M1AP: variants seen among roughly 807,000 people sequenced by gnomAD.
M1AP encodes meiosis 1 associated protein.
Under a neutral mutation model 51.2 loss-of-function variants are expected in M1AP, and 39 were observed. The observed-to-expected ratio is 0.76, with a 90% CI of 0.59 to 1.00. The LOEUF (loss-of-function observed/expected upper bound fraction) is 1.00. Ranked by LOEUF, M1AP falls within the 50% of genes least tolerant of loss-of-function variation. The pLI is 0.00. For missense variants in M1AP, 545 were observed against 641.2 expected, an observed-to-expected ratio of 0.85 and a Z score of 1.62; for synonymous variants, 251 against 249.2, an observed-to-expected ratio of 1.01 and a Z score of -0.07.
At chr2:74,591,937 C>T (rs1338175387) in intron 4 of M1AP, among the ~76,000 whole-genome samples, 2 of 152,014 alleles carry the variant, frequency 1.3e-5, no homozygotes, top group African/African-American at 4.8e-5. Flanking sequence ...AGGCGCCCAC[C>T]ACCACGCCTG....
intron 4 of M1AP, among the ~76,000 whole-genome samples, chr2:74,591,720 T>C (rs1680047838): frequency 6.6e-6 from 1 of 152,134 alleles, no homozygotes; most frequent in Admixed American, 6.5e-5. Context: ...AAAGACTTAC[T>C]TGGGGGAGCT....
intron 4 of M1AP, among the ~76,000 whole-genome samples, chr2:74,591,694 G>C (rs1439471590): frequency 6.6e-6 from 1 of 152,218 alleles, no homozygotes; most frequent in African/African-American, 2.4e-5. Context: ...ATAAATGTAA[G>C]TGGAGCCATG....
intron 2 of M1AP, among the ~76,000 whole-genome samples, chr2:74,635,297 C>T (rs1274451529): frequency 1.3e-5 from 2 of 151,988 alleles, no homozygotes; most frequent in Non-Finnish European, 1.5e-5. Context: ...CTCTTATTAT[C>T]CTTTGGAATA....
At chr2:74,627,824 T>C (rs1682487891) in intron 2 of M1AP, among the ~76,000 whole-genome samples, 1 of 152,200 alleles carries the variant, frequency 6.6e-6, no homozygotes, top group African/African-American at 2.4e-5. Context: ...ATGAAGTGCA[T>C]ATTAAAATCT....
At chr2:74,583,298 C>T (rs138089022) in intron 4 of M1AP, among the ~76,000 whole-genome samples, 2 of 151,994 alleles carry the variant, frequency 1.3e-5, no homozygotes, top group Non-Finnish European at 2.9e-5. Context: ...AGTAGAGAAC[C>T]AAGCCTGGAG....
At chr2:74,620,632 C>A in intron 2 of M1AP, 1 of 208,878 alleles carries the variant, frequency 4.8e-6, no homozygotes, top group East Asian at 1.1e-4. Context: ...GCAGTTTGCC[C>A]AGACCAGTCC....
chr2:74,575,408 T>C (rs749723707), intron 7 of M1AP, 30 bp downstream of exon 7: 20 of 1,612,962 alleles, frequency 1.2e-5, no homozygotes, highest in Non-Finnish European at 1.7e-5. Flanking sequence ...AAACGATTCT[T>C]CTTTTTCACC....
At chr2:74,571,251 T>C (rs1678721644) in intron 7 of M1AP, among the ~76,000 whole-genome samples, 1 of 152,080 alleles carries the variant, frequency 6.6e-6, no homozygotes, top group South Asian at 2.1e-4. Flanking sequence ...GGAAAATTGA[T>C]ATGACTTAGT....
chr2:74,645,752 C>T (rs1328776904), intron 1 of M1AP, among the ~76,000 whole-genome samples: 1 of 152,178 alleles, frequency 6.6e-6, no homozygotes, highest in Non-Finnish European at 1.5e-5. Context: ...TATGGGGTAG[C>T]CCTGCTCCAC....
Position 74,572,035 on chromosome 2 carries a change from C to T in M1AP, c.1074+3403G>A, listed in dbSNP as rs536273645. The stretch of plus-strand genomic sequence containing the variant: ...AAAAAGAAAGAAAACTGTTTTGCTG[C>T]TGTCTTTTCCAGAATAGGAGAGTGG... On this transcript the variant is annotated intron_variant, in intron 7 of 10. Transcript: ENST00000421985. 4.0e-5 allele frequency among the ~76,000 whole-genome samples: 6 copies of T among 151,772 alleles called. No homozygotes were observed. The South Asian group carries it at 1.2e-3, about 32-fold the overall frequency.
rs778852090 is a variant in M1AP at position 74,581,715 on chromosome 2, GAAGA to G, written c.724_727del (p.Ser242HisfsTer17). 1 of 1,614,044 alleles carries G rather than the reference GAAGA, an allele frequency of 6.2e-7. No individual in the cohort carries two copies. Among genetic ancestry groups the G allele is most frequent in the Non-Finnish European group, 8.5e-7 (1 of 1,179,936 alleles). On this transcript the variant is annotated frameshift_variant, in exon 5 of 11. Coordinates refer to ENST00000421985, the MANE Select transcript of M1AP (RefSeq NM_001321739.2). LOFTEE classifies it high-confidence loss of function. ...TCTGGAAATGTTGCTGAAACACTGT[GAAGA>G]AAGAAGAAGATGGATTTGTTCTTGG...
chr2:74,578,404 C>T (rs10206230), intron 5 of M1AP, among the ~76,000 whole-genome samples: 60 of 152,276 alleles, frequency 3.9e-4, no homozygotes, highest in African/African-American at 1.3e-3. Flanking sequence ...CTATCCCTCC[C>T]CCAAACCCCC....
chr2:74,574,929 T>G (rs1678967690), intron 7 of M1AP, among the ~76,000 whole-genome samples: 1 of 152,242 alleles, frequency 6.6e-6, no homozygotes, highest in African/African-American at 2.4e-5. Context: ...GGCTTTCTTA[T>G]AGCAGCTTTT....
chr2:74,570,089 T>G (rs555656116), intron 7 of M1AP, among the ~76,000 whole-genome samples: 55 of 152,250 alleles, frequency 3.6e-4, no homozygotes, highest in African/African-American at 1.3e-3. Flanking sequence ...TGATAGTGCT[T>G]CCATATATGC....
intron 2 of M1AP, among the ~76,000 whole-genome samples, chr2:74,632,790 G>A (rs1682776470): frequency 6.6e-6 from 1 of 152,142 alleles, no homozygotes; most frequent in African/African-American, 2.4e-5. Context: ...GCTTAGTTGA[G>A]CTTCTGACAA....
intron 1 of M1AP, among the ~76,000 whole-genome samples, chr2:74,646,350 G>C (rs1019479388): frequency 3.9e-5 from 6 of 152,196 alleles, no homozygotes; most frequent in African/African-American, 1.4e-4. Flanking sequence ...GGAGTTAAAG[G>C]AGAAACAGCT....
chr2:74,591,614 G>T (rs1180152011), intron 4 of M1AP, among the ~76,000 whole-genome samples: 1 of 152,088 alleles, frequency 6.6e-6, no homozygotes, highest in African/African-American at 2.4e-5. Flanking sequence ...CATGACCCAA[G>T]AACCACACCA....
At chr2:74,640,618 G>A (rs767239109) in intron 1 of M1AP, among the ~76,000 whole-genome samples, 4 of 152,002 alleles carry the variant, frequency 2.6e-5, no homozygotes, top group Admixed American at 6.6e-5. Context: ...ACACCACCAC[G>A]CCCAGCTAAT....
intron 4 of M1AP, among the ~76,000 whole-genome samples, chr2:74,601,840 T>C (rs752644866): frequency 6.6e-6 from 1 of 152,204 alleles, no homozygotes; most frequent in Non-Finnish European, 1.5e-5. Flanking sequence ...TCTTTTACAG[T>C]GATCCTGGAT....
Sources: gnomAD v4.1 joint callset for allele counts (sites outside exome capture counted in the v4.1 genomes callset) on GRCh38, gnomAD v4.1.1 for gene constraint, MANE v1.5 for transcripts, NCBI Gene and HGNC (gene_info 2026-07-23, HGNC 2026-07-21) for gene names.